The following NBPF14 variants were observed in gnomAD, a reference collection of about 807,000 sequenced individuals.
NBPF14 encodes the protein NBPF family member NBPF14.
A neutral mutation model predicts 91.2 loss-of-function variants in NBPF14; 104 were observed. The ratio of observed to expected loss-of-function variants is 1.14; its 90% CI spans 0.97 to 1.34. The LOEUF is 1.34. NBPF14 is among the 40% of genes most tolerant of loss of function. The pLI is 0.00. For missense variants in NBPF14, 908 were observed against 783.0 expected (o/e 1.16, Z -1.91); for synonymous variants, 294 against 303.8 (o/e 0.97, Z 0.34).
At chr1:148,559,904 A>C in exon 37 of NBPF14, 2 of 1,277,776 alleles carry the variant, frequency 1.6e-6, no homozygotes, top group Non-Finnish European at 2.2e-6. Context: ...GTTGAATAAC[A>C]TCTATCCAGT....
chr1:148,534,954 A>C (rs1654776610), intron 68 of NBPF14, 98 bp from the exon 69 acceptor site: 2 of 745,874 alleles, frequency 2.7e-6, no homozygotes, highest in East Asian at 2.5e-5. Flanking sequence ...CAGTTTAAAA[A>C]GAAAAAGGAC....
intron 48 of NBPF14, among the ~76,000 whole-genome samples, chr1:148,550,766 G>GAC (rs1656184117): frequency 8.9e-6 from 1 of 112,494 alleles, no homozygotes; most frequent in Non-Finnish European, 1.7e-5. Flanking sequence ...CAGAGACAGA[G>GAC]AGAAAGTGAC....
intron 69 of NBPF14, 137 bp downstream of exon 69, chr1:148,534,547 T>A (rs1228862355): frequency 1.3e-5 from 9 of 714,304 alleles, no homozygotes; most frequent in Non-Finnish European, 1.3e-5. Flanking sequence ...ACAGTTTCAT[T>A]ACAACCTATA....
intron 11 of NBPF14, among the ~76,000 whole-genome samples, chr1:148,584,248 C>CT (rs1661183046): frequency 1.3e-5 from 2 of 152,262 alleles, no homozygotes; most frequent in African/African-American, 4.8e-5. Context: ...ACTCAGGTGA[C>CT]TATGAGATTG....
chr1:148,535,014 A>G (rs1450214123), intron 68 of NBPF14, among the ~76,000 whole-genome samples, 158 bp from the exon 69 acceptor site: 2 of 147,524 alleles, frequency 1.4e-5, no homozygotes, highest in Admixed American at 6.7e-5. Context: ...GGGATAGACC[A>G]GGGCCAGGTA....
At chr1:148,577,507 T>G (rs1247344547) in intron 14 of NBPF14, among the ~76,000 whole-genome samples, 152 bp from the exon 15 acceptor site, 1 of 150,430 alleles carries the variant, frequency 6.6e-6, no homozygotes. Flanking sequence ...TATGTTGGGA[T>G]AGACTATGGC....
chr1:148,532,941 A>C, exon 71 of NBPF14: 2 of 579,602 alleles, frequency 3.5e-6, no homozygotes, highest in Non-Finnish European at 6.0e-6. Flanking sequence ...ACTTTCATTC[A>C]AATCTTCACT....
Position 148,557,695 on chromosome 1 carries a change from C to T in NBPF14, c.4955-153G>A, listed in dbSNP as rs1281339065. Reference sequence around the variant, plus strand: ...TACTTCAGGAGGCCTGAAAGCTGGTCATGATATTCCTTGCTTTGCATCTCA... The same window carrying T: ...TACTTCAGGAGGCCTGAAAGCTGGTTATGATATTCCTTGCTTTGCATCTCA... On this transcript the variant is annotated intron_variant, in intron 39 of 70. Coordinates refer to ENST00000619423, the Ensembl canonical transcript of NBPF14. Among the ~76,000 whole-genome samples the T allele has an allele frequency of 5.4e-5, 7 of 130,174 alleles. 3 individuals carry two copies. Among genetic ancestry groups the T allele is most frequent in the Admixed American group, 5.3e-4 (7 of 13,190 alleles). 85.4% of individuals were successfully genotyped at this position (130,174 alleles called of 152,430 possible). A position where few individuals can be genotyped will look rare whatever the true frequency, so the allele number is the denominator to read the frequency against.
chr1:148,539,717 T>C, intron 62 of NBPF14, 135 bp from the exon 63 acceptor site: 1 of 87,116 alleles, frequency 1.1e-5, no homozygotes, highest in Non-Finnish European at 2.0e-5. Context: ...TAATGAATTA[T>C]TGCCTTTATG....
Position 148,587,274 on chromosome 1 carries a change from C to A in NBPF14, c.1091+27G>T, listed in dbSNP as rs1661708274. 3.2e-6 allele frequency: 5 copies of A among 1,544,184 alleles called. No individual in the cohort carries two copies. The Admixed American group carries it at 6.7e-5, about 21-fold the overall frequency. On this transcript the variant is annotated intron_variant, in intron 8 of 70. Coordinates refer to ENST00000619423, the Ensembl canonical transcript of NBPF14. ...TTCAGAGATTTACACACCTGCCCCC[C>A]TGCCTGCCCCCATGGGGTCCCCTCA...
At chr1:148,566,182 A>C in exon 29 of NBPF14, 1 of 544,978 alleles carries the variant, frequency 1.8e-6, no homozygotes, top group South Asian at 1.8e-5. Flanking sequence ...TTTTCCTCCA[A>C]TGCATAAAAG....
Position 148,593,581 on chromosome 1 carries a change from C to G in NBPF14, c.278+17G>C. The G allele has an allele frequency of 6.4e-7, 1 of 1,573,720 alleles. No individual in the cohort carries two copies. The highest frequency in any genetic ancestry group is 1.1e-5 in the South Asian group (1 of 90,192). On this transcript the variant is annotated intron_variant, in intron 3 of 70. Coordinates refer to ENST00000619423, the Ensembl canonical transcript of NBPF14. The stretch of plus-strand genomic sequence containing the variant: ...TACACACCTACCCGCCTGCCTCCCC[C>G]TACGGGGTCCCCTCACCTGAGCTCC...
At chr1:148,557,114 G>T (rs1656731680) in intron 40 of NBPF14, among the ~76,000 whole-genome samples, 2 of 124,928 alleles carry the variant, frequency 1.6e-5, no homozygotes, top group East Asian at 2.5e-4. Flanking sequence ...CGAGCTCAGT[G>T]AATTGTCCAG....
chr1:148,585,428 A>G (rs1263531809), intron 9 of NBPF14, among the ~76,000 whole-genome samples: 4 of 151,878 alleles, frequency 2.6e-5, no homozygotes, highest in African/African-American at 7.3e-5. Context: ...ACATGTGGCC[A>G]AATATTGAAA....
chr1:148,553,453 G>C lies in NBPF14; in HGVS notation c.5686+87C>G, dbSNP rs1350685260. ...CTGCCTGCAGCAATGACGTCTCTCG[G>C]GTCAGTAAGGGGCACTTGGAACAGG... is the stretch of plus-strand genomic sequence containing the variant. On this transcript the variant is annotated intron_variant, in intron 45 of 70. Coordinates refer to ENST00000619423, the Ensembl canonical transcript of NBPF14. 7 of 139,312 alleles carry C rather than the reference G, an allele frequency of 5.0e-5. 3 individuals are homozygous for C. Among genetic ancestry groups the C allele is most frequent in the Non-Finnish European group, 7.3e-5 (7 of 95,806 alleles). The allele number at this position is 139,312 out of a possible 1,614,324, so 8.6% of individuals were successfully genotyped here.
At chr1:148,595,144 C>T (rs1294594860) in intron 2 of NBPF14, among the ~76,000 whole-genome samples, 1 of 145,442 alleles carries the variant, frequency 6.9e-6, no homozygotes, top group African/African-American at 2.5e-5. Context: ...TCTTGGGCCT[C>T]AACAGAAACT....
intron 67 of NBPF14, 54 bp from the exon 68 acceptor site, chr1:148,535,558 T>A (rs1236324798): frequency 3.4e-6 from 1 of 295,934 alleles, no homozygotes; most frequent in Non-Finnish European, 5.9e-6. Context: ...CCTACACACA[T>A]AACAATCCAC....
At chr1:148,566,607 A>G (rs1318902631) in intron 28 of NBPF14, among the ~76,000 whole-genome samples, 3 of 141,748 alleles carry the variant, frequency 2.1e-5, no homozygotes, top group Non-Finnish European at 4.7e-5. Flanking sequence ...ATGAGGGAGT[A>G]ACAGGACACT....
Position 148,569,159 on chromosome 1 carries a change from A to G in NBPF14, c.3265+96T>C. On this transcript the variant is annotated intron_variant, in intron 25 of 70. Transcript: ENST00000619423. ...CCTATAGTTCCTCCCTGTGGCAATG[A>G]CACCTCTCAGCTCAGTAAGGGCCAC... The G allele has an allele frequency of 8.9e-6, 2 of 223,720 alleles. 1 individual carries two copies. Among genetic ancestry groups the G allele is most frequent in the Non-Finnish European group, 1.3e-5 (2 of 148,708 alleles). The allele number at this position is 223,720 out of a possible 1,614,324, so 13.9% of individuals were successfully genotyped here. A position where few individuals can be genotyped will look rare whatever the true frequency, so the allele number is the denominator to read the frequency against.
Sources: gnomAD v4.1 joint callset for allele counts (sites outside exome capture counted in the v4.1 genomes callset) on GRCh38, gnomAD v4.1.1 for gene constraint, MANE v1.5 for transcripts, NCBI Gene and HGNC (gene_info 2026-07-23, HGNC 2026-07-21) for gene names.